RORA: variants seen among roughly 807,000 people sequenced by gnomAD.
RORA encodes the protein nuclear receptor ROR-alpha.
In RORA, 7 loss-of-function variants were observed where a neutral mutation model predicts 69.5. The ratio of observed to expected loss-of-function variants is 0.10; its 90% CI spans 0.06 to 0.19. RORA has a LOEUF of 0.19. Among genes scored for constraint, RORA ranks in the 10% least tolerant of loss-of-function variants. RORA has a pLI of 1.00. For synonymous variants in RORA, 261 were observed against 240.8 expected (o/e 1.08, Z -0.78); for missense variants, 457 against 663.0 (o/e 0.69, Z 3.41).
chr15:60,993,206 C>T (rs1449365832), intron 1 of RORA, among the ~76,000 whole-genome samples: 4 of 152,188 alleles, frequency 2.6e-5, no homozygotes, highest in Non-Finnish European at 5.9e-5. Flanking sequence ...GTGCATTCTT[C>T]TAGCATGTGT....
At chr15:60,675,783 C>T (rs1229879160) in intron 2 of RORA, among the ~76,000 whole-genome samples, 1 of 152,180 alleles carries the variant, frequency 6.6e-6, no homozygotes, top group Non-Finnish European at 1.5e-5. Flanking sequence ...ACTATTCAGG[C>T]TCATTTTGCA....
chr15:60,664,426 A>G (rs1256891616), intron 2 of RORA, among the ~76,000 whole-genome samples: 2 of 152,206 alleles, frequency 1.3e-5, no homozygotes, highest in Admixed American at 1.3e-4. Flanking sequence ...GTGCTATTAA[A>G]GACTCCCATC....
intron 1 of RORA, among the ~76,000 whole-genome samples, chr15:60,819,767 A>ACACACACACG (rs1438889109): frequency 4.9e-4 from 72 of 147,634 alleles, no homozygotes; most frequent in East Asian, 1.2e-3. Context: ...ACACACACAC[A>ACACACACACG]CACACACACA....
At chr15:60,778,036 A>G (rs117067084) in intron 1 of RORA, among the ~76,000 whole-genome samples, 5,307 of 152,260 alleles carry the variant, frequency 0.035, 135 homozygotes, top group Non-Finnish European at 0.051. Flanking sequence ...GACTCAATTG[A>G]CTTAAAACTC....
At chr15:61,007,712 A>G (rs547342793) in intron 1 of RORA, among the ~76,000 whole-genome samples, 2 of 148,914 alleles carry the variant, frequency 1.3e-5, no homozygotes, top group East Asian at 3.9e-4. Flanking sequence ...CTAATGTTAT[A>G]TAGGCTAATA....
At chr15:60,693,599 AG>A (rs2070861193) in intron 1 of RORA, among the ~76,000 whole-genome samples, 2 of 152,238 alleles carry the variant, frequency 1.3e-5, no homozygotes, top group Admixed American at 1.3e-4. Flanking sequence ...CAGCAGTCTC[AG>A]GATACAAAAT....
At chr15:61,037,356 T>C (rs1160888941) in intron 1 of RORA, among the ~76,000 whole-genome samples, 1 of 152,194 alleles carries the variant, frequency 6.6e-6, no homozygotes, top group African/African-American at 2.4e-5. Flanking sequence ...TGAATACAGC[T>C]AAGCATAAAA....
intron 1 of RORA, among the ~76,000 whole-genome samples, chr15:61,113,544 G>C (rs1174430188): frequency 6.6e-6 from 1 of 152,166 alleles, no homozygotes; most frequent in Non-Finnish European, 1.5e-5. Flanking sequence ...CAAAAAGGCT[G>C]GAATGATACA....
intron 1 of RORA, among the ~76,000 whole-genome samples, chr15:61,165,149 T>C (rs1005755557): frequency 6.6e-6 from 1 of 152,194 alleles, no homozygotes; most frequent in African/African-American, 2.4e-5. Context: ...ACTTGTTTCA[T>C]TCTTTTCACC....
At chr15:60,503,391 G>T (rs1371133854) in intron 7 of RORA, 144 bp downstream of exon 7, 27 of 704,290 alleles carry the variant, frequency 3.8e-5, no homozygotes, top group Non-Finnish European at 4.6e-5. Flanking sequence ...CCTTTGAAAA[G>T]AACTCCATTT....
At chr15:60,736,191 T>G (rs979140516) in intron 1 of RORA, among the ~76,000 whole-genome samples, 1 of 152,202 alleles carries the variant, frequency 6.6e-6, no homozygotes, top group Non-Finnish European at 1.5e-5. Flanking sequence ...TCTCCTTTTT[T>G]TCCCCTGGTC....
intron 2 of RORA, among the ~76,000 whole-genome samples, chr15:60,605,300 T>G (rs930203317): frequency 9.9e-5 from 14 of 142,020 alleles, no homozygotes; most frequent in Middle Eastern, 3.9e-3. Flanking sequence ...GAAACAAGAT[T>G]TTTTTTTCTT....
At chr15:60,637,816 T>C (rs1309866609) in intron 2 of RORA, among the ~76,000 whole-genome samples, 4 of 151,194 alleles carry the variant, frequency 2.6e-5, no homozygotes, top group Admixed American at 2.6e-4. Context: ...TTTTCTTTCT[T>C]TTTTTCTTTC....
At chr15:60,938,590 G>T (rs1892597593) in intron 1 of RORA, among the ~76,000 whole-genome samples, 2 of 152,106 alleles carry the variant, frequency 1.3e-5, no homozygotes, top group Admixed American at 6.5e-5. Context: ...CTACACCCTG[G>T]ATACAGGTAC....
chr15:60,864,140 G>A (rs996801804), intron 1 of RORA, among the ~76,000 whole-genome samples: 17 of 152,134 alleles, frequency 1.1e-4, no homozygotes, highest in Non-Finnish European at 2.4e-4. Context: ...AGGAGGAGGC[G>A]GACAACTGGG....
intron 1 of RORA, among the ~76,000 whole-genome samples, chr15:61,133,663 C>T (rs2079211966): frequency 6.6e-6 from 1 of 152,150 alleles, no homozygotes; most frequent in African/African-American, 2.4e-5. Flanking sequence ...GGGGCCACGA[C>T]TACATTCACC....
intron 1 of RORA, among the ~76,000 whole-genome samples, chr15:60,908,414 C>A (rs1275043241): frequency 6.6e-6 from 1 of 152,192 alleles, no homozygotes; most frequent in Non-Finnish European, 1.5e-5. Context: ...TTTCCCCCCT[C>A]CATGGTACTA....
At chr15:61,200,554 C>A (rs748340177) in intron 1 of RORA, among the ~76,000 whole-genome samples, 3 of 152,140 alleles carry the variant, frequency 2.0e-5, no homozygotes, top group African/African-American at 4.8e-5. Context: ...GAAATAAATA[C>A]CTACATTTTA....
chr15:61,024,451 GTTT>G (rs34652090), intron 1 of RORA, among the ~76,000 whole-genome samples: 1 of 134,772 alleles, frequency 7.4e-6, no homozygotes, highest in Non-Finnish European at 1.6e-5. Context: ...GCCCGGTAAT[GTTT>G]TTTTTTTTTT....
Sources: gnomAD v4.1 joint callset for allele counts (sites outside exome capture counted in the v4.1 genomes callset) on GRCh38, gnomAD v4.1.1 for gene constraint, MANE v1.5 for transcripts, NCBI Gene and HGNC (gene_info 2026-07-23, HGNC 2026-07-21) for gene names.